The following SPATA6 variants were observed in gnomAD, a reference collection of about 807,000 sequenced individuals.
SPATA6 encodes the protein spermatogenesis-associated protein 6.
A neutral mutation model predicts 65.3 loss-of-function variants in SPATA6; 56 were observed. The ratio of observed to expected loss-of-function variants is 0.86; its 90% CI spans 0.69 to 1.07. The LOEUF is 1.07. Among genes scored for constraint, SPATA6 ranks in the 50% least tolerant of loss-of-function variants. The pLI is 0.00. For missense variants in SPATA6, 590 were observed against 594.8 expected (o/e 0.99, Z 0.08); for synonymous variants, 199 against 213.2 (o/e 0.93, Z 0.58).
chr1:48,458,815 G>A (rs529157797), intron 1 of SPATA6, among the ~76,000 whole-genome samples: 55 of 152,204 alleles, frequency 3.6e-4, no homozygotes, highest in Non-Finnish European at 4.1e-4. Flanking sequence ...ACAGATACAG[G>A]ATTTTTTTAT....
chr1:48,414,626 G>A (rs941891268), intron 3 of SPATA6, among the ~76,000 whole-genome samples: 5 of 152,070 alleles, frequency 3.3e-5, no homozygotes, highest in African/African-American at 1.2e-4. Context: ...CAGAAGCACC[G>A]GTGAAGGTCA....
chr1:48,422,503 C>G (rs1020927527), intron 3 of SPATA6, among the ~76,000 whole-genome samples: 1 of 152,062 alleles, frequency 6.6e-6, no homozygotes, highest in Non-Finnish European at 1.5e-5. Context: ...TTGGATAGGG[C>G]CCCCAGAAGA....
the SPATA6 span, among the ~76,000 whole-genome samples, chr1:48,270,685 C>T: frequency 0.6 from 90,817 of 151,262 alleles, 27,922 homozygotes; most frequent in East Asian, 0.81. Context: ...ATTCCCTTGG[C>T]TTAAGACCTT....
chr1:48,352,752 T>C (rs1390238822), intron 11 of SPATA6, among the ~76,000 whole-genome samples: 1 of 151,946 alleles, frequency 6.6e-6, no homozygotes, highest in African/African-American at 2.4e-5. Context: ...TAAAACCACA[T>C]TTAGATAGAT....
At chr1:48,271,114 A>T in the SPATA6 span, among the ~76,000 whole-genome samples, 1 of 152,152 alleles carries the variant, frequency 6.6e-6, no homozygotes, top group Non-Finnish European at 1.5e-5. Context: ...TGCATTTAAT[A>T]AAAGAGGTTT....
chr1:48,298,067 C>A lies in SPATA6; in HGVS notation c.*646G>T, dbSNP rs1489253648. On this transcript the variant is annotated 3_prime_UTR_variant, in exon 13 of 13. Transcript: ENST00000371847. ...ATTAGTTATTCAAATTTTTGATCATCCATGGCACTGATATTTCTAGCTAAC... is the reference window on the plus strand; with the variant it reads ...ATTAGTTATTCAAATTTTTGATCATACATGGCACTGATATTTCTAGCTAAC... 1.3e-5 allele frequency: 2 copies of A among 152,092 alleles called. No individual in the cohort carries two copies. The highest frequency in any genetic ancestry group is 4.8e-5 in the African/African-American group (2 of 41,422). 9.4% of individuals were successfully genotyped at this position (152,092 alleles called of 1,614,324 possible).
the SPATA6 span, among the ~76,000 whole-genome samples, chr1:48,280,191 C>A: frequency 1.3e-5 from 2 of 149,350 alleles, no homozygotes; most frequent in African/African-American, 2.5e-5. Flanking sequence ...CAGTGTGTAG[C>A]GGGAAATTTA....
chr1:48,330,421 G>C (rs949760857), intron 11 of SPATA6, among the ~76,000 whole-genome samples: 3 of 152,086 alleles, frequency 2.0e-5, no homozygotes, highest in Non-Finnish European at 4.4e-5. Flanking sequence ...GAAATATCTG[G>C]ATGGCAGAGC....
chr1:48,448,947 G>A lies in SPATA6; in HGVS notation c.238+2605C>T, dbSNP rs7546533. Among the ~76,000 whole-genome samples the A allele has an allele frequency of 7.2e-3, 1,089 of 152,136 alleles. 15 individuals carry two copies. The highest frequency in any genetic ancestry group is 0.025 in the African/African-American group (1,045 of 41,496). On this transcript the variant is annotated intron_variant, in intron 3 of 12. Coordinates refer to ENST00000371847, the MANE Select transcript of SPATA6 (RefSeq NM_019073.4). ...GGGGTGGTAGAGACATTCTAAATTA[G>A]AAAATGATGATGATACACAATTGTA...
At chr1:48,343,679 G>A (rs1263718878) in intron 11 of SPATA6, among the ~76,000 whole-genome samples, 1 of 152,082 alleles carries the variant, frequency 6.6e-6, no homozygotes. Flanking sequence ...CCAATTTAGA[G>A]AAAATACTGC....
At chr1:48,428,657 G>A (rs1481431155) in intron 3 of SPATA6, among the ~76,000 whole-genome samples, 1 of 152,022 alleles carries the variant, frequency 6.6e-6, no homozygotes, top group Non-Finnish European at 1.5e-5. Context: ...AGCAGGCTGA[G>A]GTAAAGGAGG....
intron 11 of SPATA6, among the ~76,000 whole-genome samples, chr1:48,341,622 G>C (rs1300620266): frequency 1.3e-5 from 2 of 152,146 alleles, no homozygotes; most frequent in Admixed American, 6.6e-5. Flanking sequence ...CTTCCTTTAA[G>C]TGAAAAGGTG....
intron 11 of SPATA6, among the ~76,000 whole-genome samples, chr1:48,342,798 A>C (rs1056161856): frequency 6.6e-6 from 1 of 152,276 alleles, no homozygotes; most frequent in Middle Eastern, 3.4e-3. Context: ...ACATGGGTCC[A>C]CTTTGTGAAA....
intron 9 of SPATA6, among the ~76,000 whole-genome samples, chr1:48,363,555 T>C (rs1396089751): frequency 6.6e-6 from 1 of 151,802 alleles, no homozygotes; most frequent in African/African-American, 2.4e-5. Flanking sequence ...CTCATAAAGA[T>C]AATTTTCTTC....
At chr1:48,326,750 G>A (rs1645773488) in intron 11 of SPATA6, among the ~76,000 whole-genome samples, 3 of 152,008 alleles carry the variant, frequency 2.0e-5, no homozygotes, top group Admixed American at 6.6e-5. Context: ...ACAAACAATG[G>A]GGAAAGGACA....
chr1:48,298,933 AC>A (rs759065039), intron 12 of SPATA6, 40 bp from the exon 13 acceptor site: 2 of 1,583,192 alleles, frequency 1.3e-6, no homozygotes. Flanking sequence ...CAATAATGAA[AC>A]AAAATTAGAG....
At chr1:48,335,252 T>C (rs1034273596) in intron 11 of SPATA6, among the ~76,000 whole-genome samples, 6 of 150,538 alleles carry the variant, frequency 4.0e-5, no homozygotes, top group African/African-American at 1.2e-4. Context: ...AAACTACCAA[T>C]GAAAATTTTC....
At chr1:48,291,864 T>C (rs531525935), downstream of SPATA6, among the ~76,000 whole-genome samples, 7 of 152,312 alleles carry the variant, frequency 4.6e-5, no homozygotes, top group South Asian at 1.5e-3. Flanking sequence ...AGGTCCAAGT[T>C]AGCCCTGCCT....
rs900869297 is a variant in SPATA6, at chr1:48,469,279, G to A, written c.51+2679C>T. Among the ~76,000 whole-genome samples the A allele has an allele frequency of 7.2e-5, 11 of 152,090 alleles. 1 individual carries two copies. Among genetic ancestry groups the A allele is most frequent in the Admixed American group, 3.9e-4 (6 of 15,278 alleles). The stretch of plus-strand genomic sequence containing the variant: ...TAGACAAATCAAATTAATGTACATG[G>A]TCATGGGTTACAGTTATTCATTGAA... On this transcript the variant is annotated intron_variant, in intron 1 of 12. Coordinates refer to ENST00000371847, the MANE Select transcript of SPATA6 (RefSeq NM_019073.4).
Sources: gnomAD v4.1 joint callset for allele counts (sites outside exome capture counted in the v4.1 genomes callset) on GRCh38, gnomAD v4.1.1 for gene constraint, MANE v1.5 for transcripts, NCBI Gene and HGNC (gene_info 2026-07-23, HGNC 2026-07-21) for gene names.